MINPP1: variants seen among roughly 807,000 people sequenced by gnomAD.
MINPP1 encodes the protein multiple inositol polyphosphate phosphatase 1.
In MINPP1, 28 loss-of-function variants were observed where a neutral mutation model predicts 46.1. That is an observed-to-expected ratio of 0.61 (90% confidence interval 0.45 to 0.83). The LOEUF (loss-of-function observed/expected upper bound fraction) is 0.83. Among genes scored for constraint, MINPP1 ranks in the 40% least tolerant of loss-of-function variants. MINPP1 has a pLI of 0.00. For synonymous variants in MINPP1, 268 were observed against 249.1 expected (o/e 1.08, Z -0.72); for missense variants, 603 against 610.0 (o/e 0.99, Z 0.12).
At position 87,504,897 on chromosome 10, in the gene MINPP1, T is replaced by G. The variant is rs376682009; in HGVS notation, c.-19T>G. 7 of 1,607,342 alleles carry G rather than the reference T, an allele frequency of 4.4e-6. No individual in the cohort carries two copies. In the East Asian group the frequency reaches 1.6e-4, roughly 36 times the overall value. On this transcript the variant is annotated 5_prime_UTR_variant, in exon 1 of 5. Transcript: ENST00000371996. ...GGCATCTGCAGCTGGCTCGGCGCAC[T>G]CCACTGACCGTCCCGACGATGCTAC...
rs1235627360 is a variant in MINPP1 at position 87,546,509 on chromosome 10, A to G, written c.1068-5573A>G. 7 of 152,244 alleles carry G rather than the reference A, an allele frequency of 4.6e-5. No individual in the cohort carries two copies. In the East Asian group the frequency reaches 1.3e-3, roughly 29 times the overall value. 9.4% of individuals were successfully genotyped at this position (152,244 alleles called of 1,614,324 possible). On this transcript the variant is annotated intron_variant, in intron 4 of 4. Coordinates refer to ENST00000371996, the MANE Select transcript of MINPP1 (RefSeq NM_004897.5). The stretch of plus-strand genomic sequence containing the variant: ...AAACACGTTCTGCCGAATTATCTCA[A>G]TCAGCTTTTTATAGAACTGTGCTTT...
intron 4 of MINPP1, among the ~76,000 whole-genome samples, chr10:87,535,103 A>G (rs1164243594): frequency 6.6e-6 from 1 of 152,110 alleles, no homozygotes; most frequent in Non-Finnish European, 1.5e-5. Context: ...TCATCTCTGC[A>G]GTTCATGGTA....
chr10:87,505,625 A>T lies in MINPP1; in HGVS notation c.637+73A>T, dbSNP rs577883422. The stretch of plus-strand genomic sequence containing the variant: ...CTGGATGCTCTCCCGCCTCCCCCAG[A>T]CCCTGGGCTTTTCCGATGCCCCCCA... On this transcript the variant is annotated intron_variant, in intron 1 of 4. Transcript: ENST00000371996. This position sits in a 1 kb window ranked among gnomAD's most constrained non-coding sequence, Gnocchi z 4.4. 4.2e-6 allele frequency: 6 copies of T among 1,433,474 alleles called. No individual in the cohort carries two copies. The African/African-American group carries it at 7.1e-5, about 17-fold the overall frequency. 88.8% of individuals were successfully genotyped at this position (1,433,474 alleles called of 1,614,324 possible). A position where few individuals can be genotyped will look rare whatever the true frequency, so the allele number is the denominator to read the frequency against.
chr10:87,533,276 T>C lies in MINPP1; in HGVS notation c.1067+12107T>C, dbSNP rs747896471. The stretch of plus-strand genomic sequence containing the variant: ...TTACTTCATGGAAAAAATGGAAGAT[T>C]GCAAATTGTTAAATTTTCAGTTAAA... On this transcript the variant is annotated intron_variant, in intron 4 of 4. Coordinates refer to ENST00000371996, the MANE Select transcript of MINPP1 (RefSeq NM_004897.5). 3.0e-4 allele frequency among the ~76,000 whole-genome samples: 45 copies of C among 152,170 alleles called. 2 individuals carry two copies. The highest frequency in any genetic ancestry group is 4.6e-4 in the Non-Finnish European group (31 of 68,022).
At chr10:87,541,827 G>T (rs904161283) in intron 4 of MINPP1, among the ~76,000 whole-genome samples, 22 of 152,144 alleles carry the variant, frequency 1.4e-4, no homozygotes, top group African/African-American at 5.3e-4. Context: ...AGCAAGAACT[G>T]ACTTGTCACC....
At chr10:87,526,462 T>A (rs1851578141) in intron 4 of MINPP1, among the ~76,000 whole-genome samples, 1 of 152,190 alleles carries the variant, frequency 6.6e-6, no homozygotes, top group African/African-American at 2.4e-5. Context: ...GTCAGATGGG[T>A]AGATTGTAAA....
At chr10:87,544,213 C>T (rs1237339634) in intron 4 of MINPP1, among the ~76,000 whole-genome samples, 2 of 152,146 alleles carry the variant, frequency 1.3e-5, no homozygotes. Flanking sequence ...GCTCACAGAG[C>T]TCAGGAAAAC....
chr10:87,543,284 A>C (rs1487780814), intron 4 of MINPP1, among the ~76,000 whole-genome samples: 4 of 152,208 alleles, frequency 2.6e-5, no homozygotes, highest in Non-Finnish European at 4.4e-5. Flanking sequence ...ATTTTCAGTC[A>C]AGCCATGTGG....
intron 2 of MINPP1, among the ~76,000 whole-genome samples, chr10:87,510,336 C>T (rs1178641359): frequency 1.3e-5 from 2 of 152,102 alleles, no homozygotes; most frequent in East Asian, 3.8e-4. Flanking sequence ...TGTCTCTAGA[C>T]AAATATAGAA....
chr10:87,550,251 T>C (rs1851943947), intron 4 of MINPP1, among the ~76,000 whole-genome samples: 1 of 152,200 alleles, frequency 6.6e-6, no homozygotes, highest in African/African-American at 2.4e-5. Context: ...CTGGTCAAAC[T>C]AAATATGGCT....
chr10:87,535,975 GTTAT>G (rs771049865), intron 4 of MINPP1, among the ~76,000 whole-genome samples: 1 of 151,980 alleles, frequency 6.6e-6, no homozygotes, highest in Non-Finnish European at 1.5e-5. Flanking sequence ...TTCTGCTTTA[GTTAT>G]TTGTGTTAAT....
At chr10:87,514,637 CAA>C (rs1338919239) in intron 3 of MINPP1, among the ~76,000 whole-genome samples, 6 of 152,154 alleles carry the variant, frequency 3.9e-5, no homozygotes, top group African/African-American at 1.4e-4. Context: ...ACATTTTTGA[CAA>C]GAGCACTACG....
chr10:87,507,441 C>T (rs1052635027), intron 1 of MINPP1, among the ~76,000 whole-genome samples: 4 of 152,052 alleles, frequency 2.6e-5, no homozygotes, highest in Admixed American at 1.3e-4. Flanking sequence ...AATTGCAATC[C>T]AGTTGACAAA....
At chr10:87,523,517 AT>A (rs57091221) in intron 4 of MINPP1, among the ~76,000 whole-genome samples, 137,783 of 141,094 alleles carry the variant, frequency 0.98, 67,306 homozygotes, top group East Asian at 1. Flanking sequence ...CACCCAGCTA[AT>A]TTTTTTTTTT....
intron 4 of MINPP1, among the ~76,000 whole-genome samples, chr10:87,540,596 G>A (rs2871690): frequency 0.061 from 9,352 of 152,086 alleles, 748 homozygotes; most frequent in East Asian, 0.31. Flanking sequence ...TTTTGGGCTT[G>A]TTCATAGACC....
Position 87,505,338 on chromosome 10 carries a change from G to C in MINPP1, c.423G>C (p.Trp141Cys), listed in dbSNP as rs758822848. The C allele has an allele frequency of 5.0e-6, 8 of 1,613,714 alleles. No homozygotes were observed. In the African/African-American group the frequency reaches 5.3e-5, roughly 11 times the overall value. Residue 141 changes from tryptophan (W) to cysteine (C), a missense_variant, in exon 1 of 5, where the codon TGG becomes TGC. Around this residue, in one of 3 missense-constraint regions of MINPP1, gnomAD observed 20 missense variants for 39.5 expected, o/e 0.51. Transcript: ENST00000371996. This position sits in a 1 kb window ranked among gnomAD's most constrained non-coding sequence, Gnocchi z 4.4. ...ACTGGCCTTTGTGGTACGCGGACTG[G>C]ATGGACGGGCAGCTAGTAGAGAAGG... ...LADWPLWYAD[W>C]MDGQLVEKGR...
chr10:87,540,378 C>A (rs180706764), intron 4 of MINPP1, among the ~76,000 whole-genome samples: 1 of 151,942 alleles, frequency 6.6e-6, no homozygotes, highest in Non-Finnish European at 1.5e-5. Context: ...AGAAGGAATT[C>A]GTTTCACATT....
At chr10:87,526,582 G>A (rs1851580415) in intron 4 of MINPP1, among the ~76,000 whole-genome samples, 1 of 152,150 alleles carries the variant, frequency 6.6e-6, no homozygotes, top group Non-Finnish European at 1.5e-5. Flanking sequence ...GGCTTTTGTT[G>A]CCATTGCTTT....
intron 2 of MINPP1, 97 bp from the exon 3 acceptor site, chr10:87,513,027 A>C (rs1255268914): frequency 1.2e-6 from 1 of 831,916 alleles, no homozygotes; most frequent in Non-Finnish European, 2.1e-6. Context: ...TGTCCATTTT[A>C]TTGAGCTGTA....
Sources: allele counts gnomAD v4.1 joint callset (sites outside exome capture counted in the v4.1 genomes callset), GRCh38; gene constraint gnomAD v4.1.1; regional missense constraint gnomAD v4.1.1; non-coding constraint Gnocchi (gnomAD v3.1); transcripts MANE v1.5; gene names NCBI Gene and HGNC (gene_info 2026-07-23, HGNC 2026-07-21).